Variants in CHL1 observed in about 807,000 individuals in gnomAD.
The protein encoded by CHL1 is neural cell adhesion molecule L1-like protein.
Under a neutral mutation model 141.9 loss-of-function variants are expected in CHL1, and 96 were observed. The ratio of observed to expected loss-of-function variants is 0.68; its 90% CI spans 0.57 to 0.80. CHL1 has a LOEUF of 0.80. Among genes scored for constraint, CHL1 ranks in the 30% least tolerant of loss-of-function variants. The pLI, the probability that CHL1 is intolerant of heterozygous loss-of-function variation, is 0.00. For missense variants in CHL1, 1,820 were observed against 1,457.2 expected (o/e 1.25, Z -4.05); for synonymous variants, 613 against 502.2 (o/e 1.22, Z -2.95).
At chr3:349,843 T>C (rs13066759) in intron 10 of CHL1, among the ~76,000 whole-genome samples, 37,754 of 152,114 alleles carry the variant, frequency 0.25, 5,410 homozygotes, top group East Asian at 0.42. Flanking sequence ...TTTATTGTAA[T>C]ACACATATAC....
chr3:281,559 CTTT>C (rs71619446), intron 2 of CHL1, among the ~76,000 whole-genome samples: 15,404 of 135,222 alleles, frequency 0.11, 873 homozygotes, highest in African/African-American at 0.21. Flanking sequence ...CAATTTGTAC[CTTT>C]TTTTTTTTTT....
At chr3:295,504 TAAG>T (rs1049532469) in intron 2 of CHL1, among the ~76,000 whole-genome samples, 1 of 152,136 alleles carries the variant, frequency 6.6e-6, no homozygotes, top group African/African-American at 2.4e-5. Context: ...GAAATGATGT[TAAG>T]AAAGAGGTCA....
chr3:292,450 G>A (rs1697776070), intron 2 of CHL1, among the ~76,000 whole-genome samples: 1 of 152,158 alleles, frequency 6.6e-6, no homozygotes, highest in Non-Finnish European at 1.5e-5. Context: ...AATAAAAATT[G>A]TTATATTGGA....
intron 5 of CHL1, among the ~76,000 whole-genome samples, chr3:339,097 C>A (rs1015572316): frequency 6.6e-6 from 1 of 152,140 alleles, no homozygotes; most frequent in African/African-American, 2.4e-5. Flanking sequence ...CCTCTTGTAT[C>A]TGAGTATAGA....
chr3:218,922 G>A (rs555142081), intron 1 of CHL1, among the ~76,000 whole-genome samples: 14 of 152,190 alleles, frequency 9.2e-5, no homozygotes, highest in Admixed American at 6.5e-4. Flanking sequence ...CAAGACGGGC[G>A]GATCACGAGG....
At chr3:314,136 T>C (rs1406312640) in intron 2 of CHL1, among the ~76,000 whole-genome samples, 2 of 151,708 alleles carry the variant, frequency 1.3e-5, no homozygotes, top group Admixed American at 6.6e-5. Flanking sequence ...TTCTCAAGAT[T>C]TTGTCTACCT....
rs189838143 is a variant in CHL1 at position 221,726 on chromosome 3, G to C, written c.-174-22887G>C. Among the ~76,000 whole-genome samples, 3 of 152,282 alleles carry C rather than the reference G, an allele frequency of 2.0e-5. No individual in the cohort carries two copies. The East Asian group carries it at 5.8e-4, about 29-fold the overall frequency. ...ATCAGTTCTGTGTGTTCTTACCATTGAAATATAGATGTGCACACCATTGAA... is the reference window on the plus strand; with the variant it reads ...ATCAGTTCTGTGTGTTCTTACCATTCAAATATAGATGTGCACACCATTGAA... On this transcript the variant is annotated intron_variant, in intron 1 of 27. Coordinates refer to ENST00000256509, the MANE Select transcript of CHL1 (RefSeq NM_006614.4).
intron 2 of CHL1, among the ~76,000 whole-genome samples, chr3:294,887 C>A (rs1698047061): frequency 6.6e-6 from 1 of 152,144 alleles, no homozygotes; most frequent in African/African-American, 2.4e-5. Context: ...TCCTTTTATT[C>A]ATTTAACAAA....
At position 274,836 on chromosome 3, in the gene CHL1, A is replaced by G. The variant is rs185382157; in HGVS notation, c.-95+30144A>G. Reference sequence around the variant, plus strand: ...TGACTTACCCAATTCCTAGTGTGCAAGAAATATTATTGATGTCTTATTGAA... The same window carrying G: ...TGACTTACCCAATTCCTAGTGTGCAGGAAATATTATTGATGTCTTATTGAA... On this transcript the variant is annotated intron_variant, in intron 2 of 27. Transcript: ENST00000256509. 2.0e-4 allele frequency among the ~76,000 whole-genome samples: 31 copies of G among 152,312 alleles called. 1 individual carries two copies. In the East Asian group the frequency reaches 5.0e-3, roughly 25 times the overall value.
At chr3:370,524 T>A (rs1705492251) in intron 15 of CHL1, among the ~76,000 whole-genome samples, 1 of 66,332 alleles carries the variant, frequency 1.5e-5, no homozygotes, top group African/African-American at 4.4e-5. Context: ...TCTATCTATT[T>A]TGTTAATTTT....
chr3:257,797 G>A (rs1439788695), intron 2 of CHL1, among the ~76,000 whole-genome samples: 1 of 152,232 alleles, frequency 6.6e-6, no homozygotes, highest in South Asian at 2.1e-4. Flanking sequence ...AACATATTAA[G>A]ATATTTTAAT....
chr3:399,736 C>T (rs1388604043), intron 26 of CHL1, among the ~76,000 whole-genome samples: 1 of 152,204 alleles, frequency 6.6e-6, no homozygotes, highest in Non-Finnish European at 1.5e-5. Context: ...CGTTGAGAGA[C>T]ATATCACTAG....
intron 2 of CHL1, among the ~76,000 whole-genome samples, chr3:260,396 A>C (rs1024343859): frequency 2.0e-5 from 3 of 152,232 alleles, no homozygotes; most frequent in Admixed American, 2.0e-4. Flanking sequence ...AGTCAACTGC[A>C]TATTACTGGC....
Position 220,171 on chromosome 3 carries a change from T to TGTGTGCTGG in CHL1, c.-175+23109_-175+23110insTGTGCTGGG, listed in dbSNP as rs1327189100. On this transcript the variant is annotated intron_variant, in intron 1 of 27. Coordinates refer to ENST00000256509, the MANE Select transcript of CHL1 (RefSeq NM_006614.4). The stretch of plus-strand genomic sequence containing the variant: ...AAGACTGGGGAGGGTGGTTGACGAC[T>TGTGTGCTGG]GACATGATGGGAATACTGTGTGCTG... 5.6e-4 allele frequency among the ~76,000 whole-genome samples: 86 copies of TGTGTGCTGG among 152,380 alleles called. 1 individual carries two copies. The highest frequency in any genetic ancestry group is 1.9e-3 in the African/African-American group (77 of 41,594).
intron 2 of CHL1, among the ~76,000 whole-genome samples, chr3:260,988 G>C (rs1574892131): frequency 6.6e-6 from 1 of 152,196 alleles, no homozygotes; most frequent in East Asian, 1.9e-4. Flanking sequence ...TTATTAAATT[G>C]ATTCTACTTG....
chr3:254,662 G>A (rs1490548481), intron 2 of CHL1, among the ~76,000 whole-genome samples: 2 of 152,130 alleles, frequency 1.3e-5, no homozygotes, highest in South Asian at 4.2e-4. Flanking sequence ...CAGTTCTGGA[G>A]GTTGGAAAGT....
chr3:269,292 C>T (rs1242414820), intron 2 of CHL1, among the ~76,000 whole-genome samples: 1 of 152,142 alleles, frequency 6.6e-6, no homozygotes, highest in Non-Finnish European at 1.5e-5. Flanking sequence ...AAGTGAAGGG[C>T]TCCAACTTAA....
At chr3:243,025 T>A (rs777093872) in intron 1 of CHL1, among the ~76,000 whole-genome samples, 12 of 152,136 alleles carry the variant, frequency 7.9e-5, no homozygotes, top group Non-Finnish European at 1.3e-4. Context: ...TTTGAAGAGA[T>A]GTCTTAGACA....
intron 8 of CHL1, among the ~76,000 whole-genome samples, chr3:343,752 C>T (rs1702537590): frequency 1.3e-5 from 2 of 152,116 alleles, no homozygotes; most frequent in Admixed American, 6.6e-5. Flanking sequence ...TTTTGAAGAA[C>T]CGTCAGTTTT....
Sources: gnomAD v4.1 joint callset for allele counts (sites outside exome capture counted in the v4.1 genomes callset) on GRCh38, gnomAD v4.1.1 for gene constraint, MANE v1.5 for transcripts, NCBI Gene and HGNC (gene_info 2026-07-23, HGNC 2026-07-21) for gene names.